The following FER variants were observed in gnomAD, a reference collection of about 807,000 sequenced individuals.
The protein encoded by FER is FER tyrosine kinase, also known as tyrosine-protein kinase Fer.
A neutral mutation model predicts 111.0 loss-of-function variants in FER; 63 were observed. That is an observed-to-expected ratio of 0.57 (90% CI 0.46 to 0.70). The LOEUF (loss-of-function observed/expected upper bound fraction) is 0.70, where lower values mean the gene tolerates loss of function less well. Among genes scored for constraint, FER ranks in the 30% least tolerant of loss-of-function variants. The pLI is 0.00. For missense variants in FER, 914 were observed against 954.0 expected (o/e 0.96, Z 0.55); for synonymous variants, 327 against 313.9 (o/e 1.04, Z -0.44).
At chr5:109,057,812 G>C (rs1284989619) in intron 16 of FER, among the ~76,000 whole-genome samples, 1 of 152,114 alleles carries the variant, frequency 6.6e-6, no homozygotes, top group African/African-American at 2.4e-5. Flanking sequence ...AGAAGAAAAT[G>C]TTACCAATTC....
intron 10 of FER, among the ~76,000 whole-genome samples, chr5:108,937,619 T>G (rs1446297652): frequency 6.6e-6 from 1 of 151,894 alleles, no homozygotes; most frequent in East Asian, 1.9e-4. Context: ...CTGAAGAAAC[T>G]GAGAATGTGT....
intron 13 of FER, among the ~76,000 whole-genome samples, chr5:109,015,958 C>T (rs1380076198): frequency 1.3e-5 from 2 of 151,864 alleles, no homozygotes; most frequent in Non-Finnish European, 2.9e-5. Flanking sequence ...TTTGGATGCT[C>T]CTGAATGGGG....
chr5:108,912,659 G>T (rs55660134), intron 10 of FER, among the ~76,000 whole-genome samples: 2 of 152,064 alleles, frequency 1.3e-5, no homozygotes, highest in African/African-American at 4.8e-5. Flanking sequence ...GCCACTGTGC[G>T]TGGCCCTATG....
intron 9 of FER, among the ~76,000 whole-genome samples, chr5:108,887,042 A>G (rs1286382449): frequency 6.6e-6 from 1 of 151,666 alleles, no homozygotes; most frequent in Admixed American, 6.6e-5. Context: ...TGCATATATA[A>G]TTAAAATCAA....
rs1432979193 is a variant in FER at position 109,026,069 on chromosome 5, G to C, written c.1657-11353G>C. ...AATGAGTTAGAAAATATTCATATGT[G>C]TACAGAAAATTATACAGCCTTTTGT... On this transcript the variant is annotated intron_variant, in intron 13 of 19. Coordinates refer to ENST00000281092, the MANE Select transcript of FER (RefSeq NM_005246.4). 2.0e-5 allele frequency among the ~76,000 whole-genome samples: 3 copies of C among 152,098 alleles called. 1 individual carries two copies. Among genetic ancestry groups the C allele is most frequent in the African/African-American group, 7.2e-5 (3 of 41,424 alleles).
intron 13 of FER, among the ~76,000 whole-genome samples, chr5:108,995,289 T>C (rs1348872897): frequency 6.6e-6 from 1 of 152,146 alleles, no homozygotes; most frequent in Non-Finnish European, 1.5e-5. Context: ...TATTATACTT[T>C]AAGTTCTGGG....
chr5:108,836,851 T>TC (rs1185292040), intron 5 of FER, among the ~76,000 whole-genome samples: 2 of 151,974 alleles, frequency 1.3e-5, no homozygotes, highest in African/African-American at 2.4e-5. Flanking sequence ...TCCCTGTTTG[T>TC]CCCCCTTCTC....
intron 13 of FER, among the ~76,000 whole-genome samples, chr5:108,999,282 C>T (rs762664782): frequency 1.8e-4 from 27 of 152,044 alleles, no homozygotes; most frequent in Non-Finnish European, 3.1e-4. Context: ...ATTTTTTATA[C>T]AATTTTACTA....
chr5:108,859,755 G>T (rs1435195744), intron 5 of FER, among the ~76,000 whole-genome samples: 1 of 151,898 alleles, frequency 6.6e-6, no homozygotes, highest in Non-Finnish European at 1.5e-5. Context: ...CAGAGTTTGA[G>T]AACTTGCTCT....
chr5:108,859,976 C>T (rs149909625), intron 5 of FER, among the ~76,000 whole-genome samples: 10,360 of 144,898 alleles, frequency 0.071, 393 homozygotes, highest in Non-Finnish European at 0.083. Flanking sequence ...GAGTCTCTCT[C>T]TGTCGCCCAG....
intron 10 of FER, among the ~76,000 whole-genome samples, chr5:108,940,100 C>T (rs1756052806): frequency 6.6e-6 from 1 of 152,024 alleles, no homozygotes. Context: ...CCAAACCCCA[C>T]AAAATAACAC....
chr5:108,965,525 T>C (rs1186288987), intron 13 of FER, among the ~76,000 whole-genome samples: 1 of 152,196 alleles, frequency 6.6e-6, no homozygotes, highest in Non-Finnish European at 1.5e-5. Flanking sequence ...TATTATTTTA[T>C]TAAATCTTTT....
chr5:109,180,197 AAG>A lies in FER; in HGVS notation c.2049-547_2049-546del, dbSNP rs376490907. Among the ~76,000 whole-genome samples, 31 of 152,294 alleles carry A rather than the reference AAG, an allele frequency of 2.0e-4. No homozygotes were observed. The East Asian group carries it at 5.8e-3, about 28-fold the overall frequency. On this transcript the variant is annotated intron_variant, in intron 17 of 19. Coordinates refer to ENST00000281092, the MANE Select transcript of FER (RefSeq NM_005246.4). ...GAGACAGGGCCAGATGCAGCAGAAAAAGAGTTGCCAAACTCTCTGGTACCTCA... is the reference window on the plus strand; with the variant it reads ...GAGACAGGGCCAGATGCAGCAGAAAAAGTTGCCAAACTCTCTGGTACCTCA...
Position 108,897,866 on chromosome 5 carries a change from C to T in FER, c.1236+18C>T, listed in dbSNP as rs1749381917. ...CATCTATGGTAAGCTAAAGAATAAT[C>T]CAATGAGAAACTTGGAAGAGTAGTG... On this transcript the variant is annotated intron_variant, in intron 10 of 19. Coordinates refer to ENST00000281092, the MANE Select transcript of FER (RefSeq NM_005246.4). The T allele has an allele frequency of 1.9e-6, 3 of 1,572,904 alleles. No individual in the cohort carries two copies. The South Asian group carries it at 3.6e-5, about 19-fold the overall frequency.
chr5:109,185,851 C>T (rs1450798060), intron 18 of FER, among the ~76,000 whole-genome samples: 1 of 152,196 alleles, frequency 6.6e-6, no homozygotes, highest in African/African-American at 2.4e-5. Context: ...TTCATCATTC[C>T]ATGATCATAG....
chr5:108,947,315 G>A (rs555604644), intron 11 of FER, among the ~76,000 whole-genome samples: 27 of 151,908 alleles, frequency 1.8e-4, no homozygotes, highest in Non-Finnish European at 3.4e-4. Context: ...ATTCCCATTA[G>A]CAATATATGA....
rs1486019983 is a variant in FER at position 109,195,791 on chromosome 5, C to T, written c.*8216C>T. ...TTCTTTACAGAGCATTGAGGTTTCC[C>T]ACTGAAACAGCTTCTTTAGTCAGAC... is the stretch of plus-strand genomic sequence containing the variant. On this transcript the variant is annotated 3_prime_UTR_variant, in exon 20 of 20. Coordinates refer to ENST00000281092, the MANE Select transcript of FER (RefSeq NM_005246.4). The T allele has an allele frequency of 6.6e-6, 1 of 152,148 alleles. No individual in the cohort carries two copies. Among genetic ancestry groups the T allele is most frequent in the Non-Finnish European group, 1.5e-5 (1 of 68,010 alleles). 9.4% of individuals were successfully genotyped at this position (152,148 alleles called of 1,614,324 possible). A position where few individuals can be genotyped will look rare whatever the true frequency, so the allele number is the denominator to read the frequency against.
chr5:108,765,083 T>C (rs1191875239), intron 1 of FER, among the ~76,000 whole-genome samples: 2 of 152,202 alleles, frequency 1.3e-5, no homozygotes, highest in Admixed American at 6.5e-5. Context: ...GTATGTGTAA[T>C]TGAGGAAGTT....
At position 108,814,440 on chromosome 5, in the gene FER, C is replaced by T. The variant is rs115448795; in HGVS notation, c.207+16051C>T. On this transcript the variant is annotated intron_variant, in intron 3 of 19. Transcript: ENST00000281092. Reference sequence around the variant, plus strand: ...CTGAAAGTAAGAGGAGAAATGTGTCCACCCTAGGTACAATACGTGTTTGTA... The same window carrying T: ...CTGAAAGTAAGAGGAGAAATGTGTCTACCCTAGGTACAATACGTGTTTGTA... Among the ~76,000 whole-genome samples the T allele has an allele frequency of 4.5e-3, 686 of 152,194 alleles. 10 individuals are homozygous for T. Among genetic ancestry groups the T allele is most frequent in the African/African-American group, 0.016 (659 of 41,498 alleles).
Sources: allele counts gnomAD v4.1 joint callset (sites outside exome capture counted in the v4.1 genomes callset), GRCh38; gene constraint gnomAD v4.1.1; transcripts MANE v1.5; gene names NCBI Gene and HGNC (gene_info 2026-07-23, HGNC 2026-07-21).